GLI3: variants seen among roughly 807,000 people sequenced by gnomAD.
GLI3 encodes transcription activator GLI3.
In GLI3, 20 loss-of-function variants were observed where a neutral mutation model predicts 100.8. The observed-to-expected ratio is 0.20, with a 90% CI of 0.14 to 0.29. The LOEUF is 0.29. Ranked by LOEUF, GLI3 falls within the 10% of genes least tolerant of loss-of-function variation. GLI3 has a pLI of 1.00. For missense variants in GLI3, 2,040 were observed against 2,128.5 expected (o/e 0.96, Z 0.82); for synonymous variants, 938 against 860.5 (o/e 1.09, Z -1.58).
chr7:42,215,447 G>A (rs1234061653), intron 2 of GLI3, among the ~76,000 whole-genome samples: 2 of 152,144 alleles, frequency 1.3e-5, no homozygotes, highest in African/African-American at 2.4e-5. Flanking sequence ...GAGGTGGTGG[G>A]AGGCCACCAA....
intron 3 of GLI3, among the ~76,000 whole-genome samples, chr7:42,108,882 G>A (rs910221681): frequency 7.2e-5 from 11 of 151,846 alleles, no homozygotes; most frequent in Admixed American, 3.3e-4. Context: ...TTTGCACGAC[G>A]TCCCCATCCC....
At chr7:42,054,583 A>G (rs1784414252) in intron 4 of GLI3, among the ~76,000 whole-genome samples, 1 of 152,196 alleles carries the variant, frequency 6.6e-6, no homozygotes, top group African/African-American at 2.4e-5. Context: ...ATATTCAAGC[A>G]GTGGTCTGAT....
At position 42,092,126 on chromosome 7, in the gene GLI3, T is replaced by C. The variant is rs146568429; in HGVS notation, c.368-15269A>G. ...AATTAACAGATAACCCCGAAGAGATTATCTGCCCTGCGGCCAAGGACCCTG... is the reference window on the plus strand; with the variant it reads ...AATTAACAGATAACCCCGAAGAGATCATCTGCCCTGCGGCCAAGGACCCTG... On this transcript the variant is annotated intron_variant, in intron 3 of 14. Transcript: ENST00000395925. 1.2e-4 allele frequency among the ~76,000 whole-genome samples: 18 copies of C among 152,310 alleles called. No individual in the cohort carries two copies. In the East Asian group the frequency reaches 3.3e-3, roughly 28 times the overall value.
chr7:42,242,389 A>G (rs949515701), upstream of GLI3, among the ~76,000 whole-genome samples: 1 of 152,186 alleles, frequency 6.6e-6, no homozygotes, highest in African/African-American at 2.4e-5. Context: ...GCCCTAAACA[A>G]TCCACTTACA....
rs962395338 is a variant in GLI3 at position 41,966,889 on chromosome 7, A to C, written c.2432-248T>G. ...CCTTTACAAAAACAGGGGCGGCTGG[A>C]GATGGCCGCAGGCTGTAGTTTGCTG... is the stretch of plus-strand genomic sequence containing the variant. On this transcript the variant is annotated intron_variant, in intron 14 of 14. Coordinates refer to ENST00000395925, the MANE Select transcript of GLI3 (RefSeq NM_000168.6). The surrounding 1 kb of genome is among the most constrained non-coding windows in gnomAD (Gnocchi z 5.8). Among the ~76,000 whole-genome samples the C allele has an allele frequency of 3.9e-5, 6 of 152,106 alleles. No homozygotes were observed. In the East Asian group the frequency reaches 1.2e-3, roughly 29 times the overall value.
chr7:42,136,869 CCAG>C, intron 3 of GLI3, among the ~76,000 whole-genome samples: 1 of 152,214 alleles, frequency 6.6e-6, no homozygotes, highest in South Asian at 2.1e-4. Flanking sequence ...CAAGCACTCC[CCAG>C]CTGGGCTGAT....
In GLI3 at chr7:42,040,094, G is replaced by A. The variant is rs1784101322; in HGVS notation, c.972C>T (p.Ser324=). The change falls in exon 7 of 15, where the codon TCC becomes TCT. Residue 324 remains serine, a synonymous_variant. Transcript: ENST00000395925. The stretch of plus-strand genomic sequence containing the variant: ...AGCCACTTGCTGAAGAGCTGCTACG[G>A]GAATTATTGAGAATCGTGACCAAGG... ...PNSLVTILNN[S]RSSSSASGSY... 1 of 1,613,972 alleles carries A rather than the reference G, an allele frequency of 6.2e-7. No homozygotes were observed. The highest frequency in any genetic ancestry group is 1.3e-5 in the African/African-American group (1 of 74,924).
chr7:42,188,018 A>AAAAAAAAAAAT (rs1787753974), intron 2 of GLI3, among the ~76,000 whole-genome samples: 1 of 151,140 alleles, frequency 6.6e-6, no homozygotes, highest in African/African-American at 2.4e-5. Flanking sequence ...AAAAAAAAAA[A>AAAAAAAAAAAT]TAGGCCAGCA....
intron 10 of GLI3, among the ~76,000 whole-genome samples, chr7:42,007,328 T>A (rs536272261): frequency 2.0e-5 from 3 of 151,906 alleles, no homozygotes; most frequent in African/African-American, 7.3e-5. Context: ...AAAGTTCTTA[T>A]GTCATCTCTT....
chr7:42,056,704 A>T (rs946345978), intron 4 of GLI3, among the ~76,000 whole-genome samples: 5 of 151,970 alleles, frequency 3.3e-5, no homozygotes, highest in African/African-American at 1.2e-4. Flanking sequence ...TAATCCCAGC[A>T]CTTTGGGAGG....
intron 2 of GLI3, among the ~76,000 whole-genome samples, chr7:42,176,908 G>A (rs550717660): frequency 6.6e-6 from 1 of 152,186 alleles, no homozygotes; most frequent in Non-Finnish European, 1.5e-5. Context: ...CAAATTTCCA[G>A]GCAGGGGGCC....
At chr7:42,041,503 C>G (rs846319) in intron 6 of GLI3, among the ~76,000 whole-genome samples, 96,717 of 152,078 alleles carry the variant, frequency 0.64, 32,477 homozygotes, top group African/African-American at 0.87. Flanking sequence ...AATCTCACCA[C>G]GTAGGAGGCA....
rs1787166119 is a variant in GLI3, at chr7:41,966,055, G to A, written c.3018C>T (p.Ser1006=). Residue 1006 remains serine (S), a synonymous_variant, in exon 15 of 15, where the codon AGC becomes AGT. Transcript: ENST00000395925. This position sits in a 1 kb window ranked among gnomAD's most constrained non-coding sequence, Gnocchi z 5.8. ...CCTCGGAGCCTGTCCGCACCGGGTC[G>A]CTGGCCCTCCTCACGCCGTGGCCCG... ...DAPGHGVRRA[S]DPVRTGSEGL... 1.3e-6 allele frequency: 2 copies of A among 1,582,444 alleles called. No individual in the cohort carries two copies. Among genetic ancestry groups the A allele is most frequent in the South Asian group, 1.1e-5 (1 of 89,092 alleles).
At chr7:42,184,579 A>G (rs772232343) in intron 2 of GLI3, among the ~76,000 whole-genome samples, 12 of 152,124 alleles carry the variant, frequency 7.9e-5, no homozygotes, top group Non-Finnish European at 1.0e-4. Context: ...AAGCACAATA[A>G]ATGTGAATTG....
intron 1 of GLI3, among the ~76,000 whole-genome samples, chr7:42,262,017 C>CCTCT (rs768412101): frequency 3.9e-4 from 47 of 119,828 alleles, no homozygotes; most frequent in African/African-American, 1.2e-3. Flanking sequence ...TTCTTTCCTT[C>CCTCT]CTCTCTCTCT....
At chr7:42,198,147 G>A (rs760143433) in intron 2 of GLI3, among the ~76,000 whole-genome samples, 4 of 152,088 alleles carry the variant, frequency 2.6e-5, no homozygotes, top group Non-Finnish European at 4.4e-5. Context: ...GCACTGTGGC[G>A]GCCCCTGTTC....
intron 2 of GLI3, chr7:42,151,909 A>C (rs1293579530): frequency 6.6e-6 from 1 of 152,156 alleles, no homozygotes; most frequent in Non-Finnish European, 1.5e-5. Context: ...AGAAAAAAAA[A>C]AAAGTGGGGT....
chr7:42,198,508 A>T (rs1273196427), intron 2 of GLI3, among the ~76,000 whole-genome samples: 1 of 151,936 alleles, frequency 6.6e-6, no homozygotes, highest in Admixed American at 6.6e-5. Context: ...AGCTCCGGGG[A>T]TGTGGGAGGA....
At chr7:42,097,124 A>T (rs1430923470) in intron 3 of GLI3, among the ~76,000 whole-genome samples, 1 of 152,232 alleles carries the variant, frequency 6.6e-6, no homozygotes, top group Non-Finnish European at 1.5e-5. Context: ...GAAGGAGTTA[A>T]CAGGCAACAG....
Sources: gnomAD v4.1 joint callset for allele counts (sites outside exome capture counted in the v4.1 genomes callset) on GRCh38, gnomAD v4.1.1 for gene constraint, Gnocchi (gnomAD v3.1) non-coding constraint, MANE v1.5 for transcripts, NCBI Gene and HGNC (gene_info 2026-07-23, HGNC 2026-07-21) for gene names.